Variants in CCDC171 observed in about 807,000 individuals in gnomAD.
CCDC171 encodes the protein coiled-coil domain-containing protein 171.
A neutral mutation model predicts 168.2 loss-of-function variants in CCDC171; 177 were observed. The observed-to-expected ratio is 1.05, with a 90% CI of 0.93 to 1.19. The LOEUF is 1.19. CCDC171 is among the 50% of genes most tolerant of loss of function. The probability of loss-of-function intolerance (pLI) is 0.00; values close to 1 mark genes in which losing one functional copy is unlikely to be tolerated. For synonymous variants in CCDC171, 687 were observed against 540.8 expected (o/e 1.27, Z -3.75); for missense variants, 1,991 against 1,539.0 (o/e 1.29, Z -4.91).
chr9:15,857,378 T>G (rs557843926), intron 23 of CCDC171, among the ~76,000 whole-genome samples: 3 of 152,094 alleles, frequency 2.0e-5, no homozygotes, highest in East Asian at 1.9e-4. Context: ...GTTTAAGTCT[T>G]TAATCCATTG....
chr9:16,034,086 T>C (rs1226688998), intron 6 of CCDC171, among the ~76,000 whole-genome samples: 1 of 152,210 alleles, frequency 6.6e-6, no homozygotes, highest in Non-Finnish European at 1.5e-5. Flanking sequence ...TCAGGAATGC[T>C]GAAAGAGGGG....
At chr9:16,101,488 C>T in the CCDC171 span, among the ~76,000 whole-genome samples, 2 of 152,214 alleles carry the variant, frequency 1.3e-5, no homozygotes, top group East Asian at 3.8e-4. Context: ...TGCAACATCA[C>T]TCCTGTGATT....
At chr9:15,990,814 C>G (rs1832167711) in intron 3 of CCDC171, among the ~76,000 whole-genome samples, 1 of 152,022 alleles carries the variant, frequency 6.6e-6, no homozygotes, top group Admixed American at 6.6e-5. Context: ...CAACAAAGAT[C>G]AAAAGAGACA....
At chr9:15,692,679 C>T (rs913913516) in intron 10 of CCDC171, among the ~76,000 whole-genome samples, 5 of 151,742 alleles carry the variant, frequency 3.3e-5, no homozygotes, top group Non-Finnish European at 5.9e-5. Flanking sequence ...AGGCGCCCGC[C>T]ACCATGCCCA....
At chr9:15,590,865 T>A (rs2041961508) in intron 4 of CCDC171, among the ~76,000 whole-genome samples, 1 of 151,334 alleles carries the variant, frequency 6.6e-6, no homozygotes. Context: ...TTTCTTTCTT[T>A]CTTTCTCTCT....
intron 25 of CCDC171, among the ~76,000 whole-genome samples, chr9:15,950,375 A>G (rs1828990622): frequency 1.3e-5 from 2 of 152,148 alleles, no homozygotes; most frequent in South Asian, 4.1e-4. Context: ...AGCCAGAGAG[A>G]AAGGTCGGGT....
chr9:15,815,071 G>T (rs2059513699), intron 21 of CCDC171, among the ~76,000 whole-genome samples: 1 of 152,202 alleles, frequency 6.6e-6, no homozygotes, highest in Non-Finnish European at 1.5e-5. Flanking sequence ...AAGAGTCCCA[G>T]ATGGTTCTTT....
intron 5 of CCDC171, among the ~76,000 whole-genome samples, chr9:15,592,483 T>TAAA (rs772674883): frequency 2.4e-4 from 37 of 152,350 alleles, no homozygotes; most frequent in Non-Finnish European, 3.7e-4. Context: ...TTAAAAACTG[T>TAAA]AAAAGTTTTC....
chr9:15,699,247 G>A (rs1006966394), intron 11 of CCDC171, among the ~76,000 whole-genome samples: 1 of 152,056 alleles, frequency 6.6e-6, no homozygotes, highest in African/African-American at 2.4e-5. Context: ...TGGCGCGTCT[G>A]GAGTTGTTCG....
chr9:15,823,201 C>T (rs1189356307), intron 21 of CCDC171, among the ~76,000 whole-genome samples: 3 of 151,806 alleles, frequency 2.0e-5, no homozygotes, highest in South Asian at 2.1e-4. Context: ...GGAGGGATAA[C>T]ATTAGGAGAT....
At chr9:15,945,799 G>C (rs1019171375) in intron 25 of CCDC171, among the ~76,000 whole-genome samples, 7 of 151,880 alleles carry the variant, frequency 4.6e-5, no homozygotes, top group African/African-American at 1.7e-4. Context: ...CAGATGTGTA[G>C]GTTGCGAAGA....
intron 25 of CCDC171, among the ~76,000 whole-genome samples, chr9:15,947,894 A>C (rs955668713): frequency 6.6e-6 from 1 of 151,826 alleles, no homozygotes; most frequent in Non-Finnish European, 1.5e-5. Context: ...TTACATATGT[A>C]TACATGTGCC....
intron 8 of CCDC171, among the ~76,000 whole-genome samples, chr9:15,659,795 A>C (rs2048186429): frequency 6.6e-6 from 1 of 152,274 alleles, no homozygotes; most frequent in Admixed American, 6.5e-5. Context: ...AGATAGATTA[A>C]AACTAGTTTA....
At chr9:15,987,974 T>G (rs1297992147) in intron 3 of CCDC171, among the ~76,000 whole-genome samples, 2 of 152,240 alleles carry the variant, frequency 1.3e-5, no homozygotes, top group African/African-American at 4.8e-5. Flanking sequence ...GCCACCCTTG[T>G]GGACAATCTG....
intron 21 of CCDC171, among the ~76,000 whole-genome samples, chr9:15,809,912 C>A (rs2059260324): frequency 6.6e-6 from 1 of 152,132 alleles, no homozygotes; most frequent in South Asian, 2.1e-4. Flanking sequence ...ATGATTGGTC[C>A]ATTTTACAGA....
chr9:15,677,212 T>G (rs1366665068), intron 9 of CCDC171, among the ~76,000 whole-genome samples: 1 of 152,188 alleles, frequency 6.6e-6, no homozygotes, highest in African/African-American at 2.4e-5. Flanking sequence ...GATTTTCTTA[T>G]CTTTTTCTAC....
intron 15 of CCDC171, among the ~76,000 whole-genome samples, chr9:15,728,901 AG>A (rs2053984902): frequency 6.6e-6 from 1 of 152,288 alleles, no homozygotes; most frequent in East Asian, 1.9e-4. Flanking sequence ...ACCTAATTTC[AG>A]GGTGATATTT....
chr9:16,088,450 T>C, the CCDC171 span, among the ~76,000 whole-genome samples: 3 of 152,230 alleles, frequency 2.0e-5, no homozygotes, highest in African/African-American at 2.4e-5. Flanking sequence ...GCAAATGACA[T>C]GATTGTATAT....
chr9:15,833,326 T>C (rs976696444), intron 21 of CCDC171, among the ~76,000 whole-genome samples: 1 of 152,166 alleles, frequency 6.6e-6, no homozygotes, highest in Admixed American at 6.5e-5. Flanking sequence ...GTAGTATACA[T>C]GGTCCAATGT....
Sources: allele counts gnomAD v4.1 joint callset (sites outside exome capture counted in the v4.1 genomes callset), GRCh38; gene constraint gnomAD v4.1.1; transcripts MANE v1.5; gene names NCBI Gene and HGNC (gene_info 2026-07-23, HGNC 2026-07-21).